The following GGA3 variants were observed in gnomAD, a reference collection of about 807,000 sequenced individuals.
GGA3 encodes the protein ADP-ribosylation factor-binding protein GGA3.
Under a neutral mutation model 77.5 loss-of-function variants are expected in GGA3, and 57 were observed. The observed-to-expected ratio is 0.74, with a 90% CI of 0.59 to 0.92. The LOEUF (loss-of-function observed/expected upper bound fraction) is 0.92, where lower values mean the gene tolerates loss of function less well. Among genes scored for constraint, GGA3 ranks in the 40% least tolerant of loss-of-function variants. The probability of loss-of-function intolerance (pLI) is 0.00; values close to 1 mark genes in which losing one functional copy is unlikely to be tolerated. For synonymous variants in GGA3, 416 were observed against 383.7 expected (o/e 1.08, Z -0.98); for missense variants, 970 against 914.9 (o/e 1.06, Z -0.78).
chr17:75,245,425 C>CA (rs1345147161), intron 3 of GGA3, among the ~76,000 whole-genome samples: 2 of 152,194 alleles, frequency 1.3e-5, no homozygotes, highest in African/African-American at 4.8e-5. Context: ...TACTTGATGC[C>CA]AGGAGGACCC....
In GGA3 at chr17:75,237,623, G is replaced by A; in HGVS notation, c.*656C>T. On this transcript the variant is annotated 3_prime_UTR_variant, in exon 17 of 17. Coordinates refer to ENST00000537686, the MANE Select transcript of GGA3 (RefSeq NM_138619.4). ...GCCAAATTCCATGTCCTGCCAAGAT[G>A]TCCATAGGACACAGCCTGCCACTGC... is the stretch of plus-strand genomic sequence containing the variant. 6.6e-7 allele frequency: 1 copy of A among 1,524,956 alleles called. No individual in the cohort carries two copies. Among genetic ancestry groups the A allele is most frequent in the Non-Finnish European group, 8.8e-7 (1 of 1,140,774 alleles). 94.5% of individuals were successfully genotyped at this position (1,524,956 alleles called of 1,614,324 possible).
chr17:75,259,942 G>A (rs2077291934), intron 1 of GGA3, among the ~76,000 whole-genome samples: 1 of 152,162 alleles, frequency 6.6e-6, no homozygotes, highest in Non-Finnish European at 1.5e-5. Flanking sequence ...TTGAACTCGA[G>A]TTTGAGACCA....
intron 10 of GGA3, 128 bp from the exon 11 acceptor site, chr17:75,241,185 A>G: frequency 8.6e-7 from 1 of 1,158,844 alleles, no homozygotes; most frequent in South Asian, 1.3e-5. Flanking sequence ...CATCTCTGCC[A>G]GGGGATGCTG....
chr17:75,242,854 G>A lies in GGA3; in HGVS notation c.586C>T (p.Leu196Phe). 1.2e-6 allele frequency: 2 copies of A among 1,613,874 alleles called. No homozygotes were observed. The highest frequency in any genetic ancestry group is 1.7e-6 in the Non-Finnish European group (2 of 1,179,728). ...ACTTCCTTCACCATGGACTTGATGA[G>A]CTTGTTGGCCTCCTGCAGGTCATCT... ...NPDDLQEANK[L>F]IKSMVKEDEA... The change falls in exon 7 of 17, where the codon CTC becomes TTC. Residue 196 changes from leucine (L) to phenylalanine (F), a missense_variant. Transcript: ENST00000537686.
Position 75,237,248 on chromosome 17 carries a change from G to A in GGA3, c.*1031C>T. On this transcript the variant is annotated 3_prime_UTR_variant, in exon 17 of 17. Transcript: ENST00000537686. ...CTCCAGACCCAACATCTCGCTGACA[G>A]TGCCCCTCAGTAGCTGGGGAACAGT... 3.3e-6 allele frequency: 2 copies of A among 600,500 alleles called. No individual in the cohort carries two copies. The highest frequency in any genetic ancestry group is 3.9e-5 in the South Asian group (2 of 50,912). 37.2% of individuals were successfully genotyped at this position (600,500 alleles called of 1,614,324 possible).
At chr17:75,255,971 G>C (rs2077138532) in intron 1 of GGA3, among the ~76,000 whole-genome samples, 1 of 152,178 alleles carries the variant, frequency 6.6e-6, no homozygotes, top group African/African-American at 2.4e-5. Flanking sequence ...CTTCAGTCAA[G>C]CCCAAATTTC....
In GGA3 at chr17:75,242,373, T is replaced by C. The variant is rs778478353; in HGVS notation, c.710A>G (p.Gln237Arg). ...TCTGTCCCCGTCCGAAGAGTCCTCC[T>C]GGCTGTAATGAAGCAGCATCTCACT... ...LLSEMLLHYS[Q>R]EDSSDGDREL... Residue 237 changes from glutamine to arginine, a missense_variant, in exon 8 of 17, where the codon CAG (glutamine) becomes CGG (arginine). Coordinates refer to ENST00000537686, the MANE Select transcript of GGA3 (RefSeq NM_138619.4). 3 of 1,614,088 alleles carry C rather than the reference T, an allele frequency of 1.9e-6. No individual in the cohort carries two copies. Among genetic ancestry groups the C allele is most frequent in the Non-Finnish European group, 2.5e-6 (3 of 1,180,024 alleles).
intron 8 of GGA3, 87 bp downstream of exon 8, chr17:75,242,249 G>T: frequency 7.2e-7 from 1 of 1,386,096 alleles, no homozygotes; most frequent in Non-Finnish European, 1.0e-6. Context: ...CCGTGTCTCT[G>T]ACAAGGCACG....
At chr17:75,262,063 G>C, upstream of GGA3, 1 of 1,510,324 alleles carries the variant, frequency 6.6e-7, no homozygotes, top group South Asian at 1.1e-5. Context: ...GGCCCCTAGA[G>C]AGAGCATTGC....
chr17:75,239,451 C>G lies in GGA3; in HGVS notation c.1704G>C (p.Gln568His), dbSNP rs375885510. ...GSPLFQPLSFQSQGSPPKGPE... is the reference protein window; with the variant it reads ...GSPLFQPLSFHSQGSPPKGPE... ...GCCCCTTCGGGGGGCTGCCCTGGGA[C>G]TGGAAACTCAGTGGCTGGAAGAGCG... is the stretch of plus-strand genomic sequence containing the variant. The change falls in exon 14 of 17, where the codon CAG (glutamine) becomes CAC (histidine). Residue 568 changes from glutamine to histidine, a missense_variant. By Grantham distance (24) the Gln-to-His change is conservative. Transcript: ENST00000537686. 8 of 1,580,940 alleles carry G rather than the reference C, an allele frequency of 5.1e-6. No homozygotes were observed. The highest frequency in any genetic ancestry group is 6.8e-6 in the Non-Finnish European group (8 of 1,171,168).
At position 75,237,579 on chromosome 17, in the gene GGA3, T is replaced by A. The variant is rs2076363175; in HGVS notation, c.*700A>T. On this transcript the variant is annotated 3_prime_UTR_variant, in exon 17 of 17. Transcript: ENST00000537686. The stretch of plus-strand genomic sequence containing the variant: ...CTCTCTTCATTTTCCTTCCTATCCC[T>A]AGTTGGGCCTGTCATGAGGCCAAAT... 1 of 1,535,344 alleles carries A rather than the reference T, an allele frequency of 6.5e-7. No homozygotes were observed. Among genetic ancestry groups the A allele is most frequent in the Non-Finnish European group, 8.7e-7 (1 of 1,146,418 alleles).
chr17:75,261,844 G>T (rs1308077473), upstream of GGA3: 1 of 1,559,950 alleles, frequency 6.4e-7, no homozygotes, highest in Non-Finnish European at 8.7e-7. Flanking sequence ...CCCGTTTCCC[G>T]TCACTCGCTC....
intron 12 of GGA3, 46 bp from the exon 13 acceptor site, chr17:75,240,154 G>GC: frequency 1.6e-4 from 75 of 465,294 alleles, no homozygotes; most frequent in Middle Eastern, 6.5e-4. Context: ...GGTGGGGAGG[G>GC]CCTGCCGCTG....
At chr17:75,246,654 G>A in intron 2 of GGA3, 58 bp downstream of exon 2, 1 of 1,591,668 alleles carries the variant, frequency 6.3e-7, no homozygotes. Context: ...CCTTGGCCAT[G>A]GTTGTTCCCC....
rs1163003291 is a variant in GGA3, at chr17:75,261,572, C to CT, written c.15dup (p.Gly6ArgfsTer10). The CT allele has an allele frequency of 4.5e-6, 7 of 1,555,338 alleles. No homozygotes were observed. The highest frequency in any genetic ancestry group is 1.4e-5 in the African/African-American group (1 of 72,354). On this transcript the variant is annotated frameshift_variant, in exon 1 of 17. Transcript: ENST00000537686. LOFTEE classifies it high-confidence loss of function. Reference sequence around the variant, plus strand: ...CTGAGCCAGGACTCCAGGCTTTCCCCTTCCGCCTCCGCCATATTGCAGCCG... The same window carrying CT: ...CTGAGCCAGGACTCCAGGCTTTCCCCTTTCCGCCTCCGCCATATTGCAGCCG...
At chr17:75,242,297 G>A (rs373951397) in intron 8 of GGA3, 39 bp downstream of exon 8, 148 of 1,610,886 alleles carry the variant, frequency 9.2e-5, no homozygotes, top group Admixed American at 7.3e-4. Flanking sequence ...GAAGGGCAGC[G>A]CAGCCCCGGG....
upstream of GGA3, chr17:75,261,921 G>A (rs376833953): frequency 4.4e-6 from 7 of 1,609,002 alleles, no homozygotes; most frequent in South Asian, 1.1e-5. Flanking sequence ...CCGCAGTGAA[G>A]GTTGCCCGAG....
Position 75,241,037 on chromosome 17 carries a change from G to C in GGA3, c.967C>G (p.Gln323Glu). Reference protein sequence around the residue: ...DSEGNSQCSNQGTLIDLAELD... With the variant: ...DSEGNSQCSNEGTLIDLAELD... ...TCCGCAAGGTCGATGAGCGTGCCTT[G>C]GTTACTGCACTGACTGTTTCCTGGA... The change falls in exon 11 of 17, where the codon CAA (glutamine) becomes GAA (glutamate). Residue 323 changes from glutamine to glutamate, a missense_variant. Physicochemically the swap from Gln to Glu is conservative, Grantham distance 29. Transcript: ENST00000537686. 3 of 1,614,086 alleles carry C rather than the reference G, an allele frequency of 1.9e-6. No individual in the cohort carries two copies. Among genetic ancestry groups the C allele is most frequent in the Non-Finnish European group, 2.5e-6 (3 of 1,179,986 alleles).
rs1468797803 is a variant in GGA3 at position 75,241,626 on chromosome 17, T to G, written c.818A>C (p.Asp273Ala). Reference sequence around the variant, plus strand: ...GCTCTTTCACTCACCCAAACTGTTATCATTGTCCTCAGTCTCACTGGCGAG... The same window carrying G: ...GCTCTTTCACTCACCCAAACTGTTAGCATTGTCCTCAGTCTCACTGGCGAG... ...FKLASETEDN[D>A]NSLGDILQAS... Residue 273 changes from aspartate (D) to alanine (A), a missense_variant, in exon 9 of 17, where the codon GAT (aspartate) becomes GCT (alanine). By Grantham distance (126) the Asp-to-Ala change is moderately radical. Transcript: ENST00000537686. 2 of 1,614,032 alleles carry G rather than the reference T, an allele frequency of 1.2e-6. No homozygotes were observed. Among genetic ancestry groups the G allele is most frequent in the Non-Finnish European group, 1.7e-6 (2 of 1,179,898 alleles).
Sources: allele counts gnomAD v4.1 joint callset (sites outside exome capture counted in the v4.1 genomes callset), GRCh38; gene constraint gnomAD v4.1.1; transcripts MANE v1.5; gene names NCBI Gene and HGNC (gene_info 2026-07-23, HGNC 2026-07-21).